Variants in AP3B1 observed in about 807,000 individuals in gnomAD.
AP3B1 encodes the protein adaptor related protein complex 3 subunit beta 1.
Under a neutral mutation model 132.5 loss-of-function variants are expected in AP3B1, and 61 were observed. That is an observed-to-expected ratio of 0.46 (90% CI 0.37 to 0.57). The LOEUF (loss-of-function observed/expected upper bound fraction) is 0.57, where lower values mean the gene tolerates loss of function less well. AP3B1 is among the 20% of genes least tolerant of loss of function. AP3B1 has a pLI of 0.00. For missense variants in AP3B1, 1,120 were observed against 1,289.4 expected, an observed-to-expected ratio of 0.87 and a Z score of 2.01; for synonymous variants, 388 against 438.3, an observed-to-expected ratio of 0.89 and a Z score of 1.43.
intron 7 of AP3B1, among the ~76,000 whole-genome samples, chr5:78,209,835 AACCATGCAT>A (rs1195764239): frequency 6.6e-6 from 1 of 152,142 alleles, no homozygotes; most frequent in African/African-American, 2.4e-5. Context: ...CTTTCTTTTA[AACCATGCAT>A]ATGTTCCTTG....
At chr5:78,174,059 T>C (rs1053517960) in intron 11 of AP3B1, among the ~76,000 whole-genome samples, 4 of 152,316 alleles carry the variant, frequency 2.6e-5, no homozygotes, top group Non-Finnish European at 4.4e-5. Context: ...TTCTCTACAC[T>C]GTTTATTCTA....
chr5:78,134,467 C>T (rs978557380), intron 15 of AP3B1, among the ~76,000 whole-genome samples: 1 of 152,120 alleles, frequency 6.6e-6, no homozygotes, highest in African/African-American at 2.4e-5. Flanking sequence ...ATGAAGTAAA[C>T]TCTACATAGA....
intron 14 of AP3B1, among the ~76,000 whole-genome samples, chr5:78,148,627 CTTCT>C (rs886126072): frequency 2.0e-5 from 3 of 152,108 alleles, no homozygotes; most frequent in African/African-American, 7.2e-5. Flanking sequence ...ATTATGCCCC[CTTCT>C]TTATCAAGAG....
intron 7 of AP3B1, among the ~76,000 whole-genome samples, chr5:78,184,480 A>G (rs1744512646): frequency 6.6e-6 from 1 of 151,656 alleles, no homozygotes; most frequent in Non-Finnish European, 1.5e-5. Flanking sequence ...AGGTCAGGAG[A>G]TTGAGACCAT....
chr5:78,162,857 C>A lies in AP3B1; in HGVS notation c.1325G>T (p.Cys442Phe), dbSNP rs1032054339. The A allele has an allele frequency of 6.2e-7, 1 of 1,614,002 alleles. No individual in the cohort carries two copies. Among genetic ancestry groups the A allele is most frequent in the African/African-American group, 1.3e-5 (1 of 75,032 alleles). The change falls in exon 13 of 27, where the codon TGC becomes TTC. Residue 442 changes from cysteine to phenylalanine, a missense_variant. Physicochemically the swap from Cys to Phe is radical, Grantham distance 205. Coordinates refer to ENST00000255194, the MANE Select transcript of AP3B1 (RefSeq NM_003664.5). ...CAGCAGACAGACCAAGCCATTGAGG[C>A]ACGTGTCAGTGACTTCCAAGATGTT... The part of the protein sequence containing the change: ...ATNILEVTDT[C>F]LNGLVCLLSN...
At chr5:78,114,371 AG>A (rs1751731500) in intron 18 of AP3B1, among the ~76,000 whole-genome samples, 3 of 152,150 alleles carry the variant, frequency 2.0e-5, no homozygotes, top group African/African-American at 7.2e-5. Context: ...AAATTTTGAG[AG>A]GAAAATGAGC....
At chr5:78,108,674 T>C (rs1466102016) in intron 20 of AP3B1, among the ~76,000 whole-genome samples, 1 of 152,170 alleles carries the variant, frequency 6.6e-6, no homozygotes. Flanking sequence ...TTTTTAACTA[T>C]CAAGAGATTT....
intron 7 of AP3B1, among the ~76,000 whole-genome samples, chr5:78,183,926 T>C (rs71634916): frequency 0.011 from 1,583 of 144,684 alleles, 13 homozygotes; most frequent in Non-Finnish European, 0.018. Context: ...TCCCAGCATT[T>C]TGGGAAGCCG....
chr5:78,164,381 G>T (rs1040695347), intron 12 of AP3B1, among the ~76,000 whole-genome samples: 2 of 151,962 alleles, frequency 1.3e-5, no homozygotes, highest in Non-Finnish European at 2.9e-5. Flanking sequence ...TTTGAAACAG[G>T]TCTAGTATGT....
intron 7 of AP3B1, among the ~76,000 whole-genome samples, chr5:78,195,290 T>TG (rs1445986464): frequency 6.6e-6 from 1 of 152,206 alleles, no homozygotes; most frequent in African/African-American, 2.4e-5. Flanking sequence ...AGGGATTCGT[T>TG]GAACTGTCAG....
At chr5:78,101,099 A>C in intron 20 of AP3B1, 74 bp from the exon 21 acceptor site, 1 of 906,894 alleles carries the variant, frequency 1.1e-6, no homozygotes, top group South Asian at 1.6e-5. Context: ...TAATATTCCA[A>C]AACAAACTTT....
At chr5:78,241,980 C>T (rs1345673737) in intron 2 of AP3B1, among the ~76,000 whole-genome samples, 1 of 152,204 alleles carries the variant, frequency 6.6e-6, no homozygotes, top group Non-Finnish European at 1.5e-5. Context: ...ATCCCTTCCA[C>T]TGCTATTATC....
intron 1 of AP3B1, among the ~76,000 whole-genome samples, chr5:78,282,653 C>T (rs764183445): frequency 6.6e-6 from 1 of 151,938 alleles, no homozygotes; most frequent in Non-Finnish European, 1.5e-5. Flanking sequence ...AAACATAAAG[C>T]AATGGTTAAT....
At chr5:78,248,108 G>C (rs1051028588) in intron 2 of AP3B1, among the ~76,000 whole-genome samples, 1 of 152,056 alleles carries the variant, frequency 6.6e-6, no homozygotes, top group African/African-American at 2.4e-5. Context: ...CAGATACATA[G>C]GTAGATAAAC....
chr5:78,043,207 C>G (rs1748172906), intron 22 of AP3B1: 1 of 156,286 alleles, frequency 6.4e-6, no homozygotes. Flanking sequence ...GTGATATGAG[C>G]TCACTGCAAC....
At chr5:78,232,140 C>T (rs763574377) in intron 3 of AP3B1, among the ~76,000 whole-genome samples, 16 of 152,026 alleles carry the variant, frequency 1.1e-4, no homozygotes, top group Non-Finnish European at 2.1e-4. Context: ...TTCCAGATGG[C>T]CCTCAAAACA....
intron 14 of AP3B1, among the ~76,000 whole-genome samples, chr5:78,145,681 T>C (rs1286304936): frequency 6.6e-6 from 1 of 152,172 alleles, no homozygotes; most frequent in Non-Finnish European, 1.5e-5. Context: ...TCTGCCACAT[T>C]GTGCAATGGC....
intron 26 of AP3B1, among the ~76,000 whole-genome samples, chr5:78,005,812 A>C (rs1319604237): frequency 6.6e-6 from 1 of 152,206 alleles, no homozygotes; most frequent in Non-Finnish European, 1.5e-5. Context: ...ACTACCCCAG[A>C]TTTATTCATC....
chr5:78,153,684 G>C (rs1742997356), intron 14 of AP3B1, among the ~76,000 whole-genome samples: 1 of 151,936 alleles, frequency 6.6e-6, no homozygotes, highest in Non-Finnish European at 1.5e-5. Flanking sequence ...CTAGTGGTAG[G>C]ATTTAATTTC....
Sources: gnomAD v4.1 joint callset for allele counts (sites outside exome capture counted in the v4.1 genomes callset) on GRCh38, gnomAD v4.1.1 for gene constraint, MANE v1.5 for transcripts, NCBI Gene and HGNC (gene_info 2026-07-23, HGNC 2026-07-21) for gene names.